The following AFAP1L2 variants were observed in gnomAD, a reference collection of about 807,000 sequenced individuals.
AFAP1L2 encodes actin filament-associated protein 1-like 2.
AFAP1L2 carries 46 observed loss-of-function variants against 99.3 expected under a neutral mutation model. The ratio of observed to expected loss-of-function variants is 0.46; its 90% CI spans 0.37 to 0.59. The LOEUF (loss-of-function observed/expected upper bound fraction) is 0.59, where lower values mean the gene tolerates loss of function less well. Ranked by LOEUF, AFAP1L2 falls within the 20% of genes least tolerant of loss-of-function variation. AFAP1L2 has a pLI of 0.00. For synonymous variants in AFAP1L2, 397 were observed against 419.1 expected, an observed-to-expected ratio of 0.95 and a Z score of 0.64; for missense variants, 959 against 1,034.9, an observed-to-expected ratio of 0.93 and a Z score of 1.01.
chr10:114,288,835 C>T, the AFAP1L2 span: 2 of 1,238,982 alleles, frequency 1.6e-6, no homozygotes, highest in Non-Finnish European at 2.3e-6. Context: ...GAACAGAGCA[C>T]CCTGGCTGAC....
chr10:114,301,460 A>G lies in AFAP1L2; in HGVS notation c.1436T>C (p.Met479Thr), dbSNP rs2041176803. 1 of 1,612,242 alleles carries G rather than the reference A, an allele frequency of 6.2e-7. No homozygotes were observed. Residue 479 changes from methionine to threonine, a missense_variant, in exon 13 of 19, where the codon ATG (methionine) becomes ACG (threonine). Physicochemically the swap from Met to Thr is moderately conservative, Grantham distance 81. Transcript: ENST00000304129. ...GTTGGGCTCTGAGAACTTTCTCTGC[A>G]TCAGTCTGGAAACAGGGCGAGGTGG... ...VSAAKNSLLL[M>T]QRKFSEPNTY...
intron 1 of AFAP1L2, among the ~76,000 whole-genome samples, chr10:114,345,338 C>T (rs1220201169): frequency 6.6e-6 from 1 of 152,128 alleles, no homozygotes; most frequent in African/African-American, 2.4e-5. Flanking sequence ...GTGCCTTATT[C>T]TGCAGGGTCA....
At chr10:114,349,691 C>T (rs1327979195) in intron 1 of AFAP1L2, among the ~76,000 whole-genome samples, 1 of 151,822 alleles carries the variant, frequency 6.6e-6, no homozygotes, top group Non-Finnish European at 1.5e-5. Flanking sequence ...GCACCCAAAG[C>T]AGACTGTAGT....
rs1564879968 is a variant in AFAP1L2, at chr10:114,327,151, A to ATT, written c.316-3891_316-3890insAA. On this transcript the variant is annotated intron_variant, in intron 4 of 18. Transcript: ENST00000304129. ...GACCGTGAATTTTATATATATTTATATATATATATATATATATATATATTT... is the reference window on the plus strand; with the variant it reads ...GACCGTGAATTTTATATATATTTATATTTATATATATATATATATATATATTT... Among the ~76,000 whole-genome samples the ATT allele has an allele frequency of 1.2e-4, 9 of 75,012 alleles. 1 individual carries two copies. The highest frequency in any genetic ancestry group is 2.6e-4 in the Non-Finnish European group (8 of 30,598). The allele number at this position is 75,012 out of a possible 152,430, so 49.2% of individuals were successfully genotyped here. A position where few individuals can be genotyped will look rare whatever the true frequency, so the allele number is the denominator to read the frequency against.
At chr10:114,301,692 C>T (rs1001694072) in intron 12 of AFAP1L2, 1 of 564,306 alleles carries the variant, frequency 1.8e-6, no homozygotes, top group African/African-American at 1.9e-5. Flanking sequence ...GAAAGACAAG[C>T]TTCCCTTGCC....
chr10:114,383,151 A>C (rs1190444559), intron 1 of AFAP1L2, among the ~76,000 whole-genome samples: 1 of 152,220 alleles, frequency 6.6e-6, no homozygotes, highest in African/African-American at 2.4e-5. Context: ...ATGGCTGCTT[A>C]TATGTGGACA....
chr10:114,322,156 A>G (rs1160695597), intron 5 of AFAP1L2, among the ~76,000 whole-genome samples: 2 of 152,118 alleles, frequency 1.3e-5, no homozygotes, highest in Non-Finnish European at 2.9e-5. Context: ...CATGATTGTG[A>G]GGCCTCTCCA....
chr10:114,393,815 G>A (rs1018522408), intron 1 of AFAP1L2, among the ~76,000 whole-genome samples: 3 of 152,362 alleles, frequency 2.0e-5, no homozygotes, highest in East Asian at 1.9e-4. Context: ...TCAGAAGGGC[G>A]GGAGATGGGC....
intron 1 of AFAP1L2, among the ~76,000 whole-genome samples, chr10:114,384,398 TC>T (rs1173693405): frequency 6.6e-6 from 1 of 151,484 alleles, no homozygotes; most frequent in African/African-American, 2.4e-5. Context: ...GGGCCATTGT[TC>T]CCCCCACACT....
chr10:114,303,802 A>G (rs1032174206), intron 11 of AFAP1L2, among the ~76,000 whole-genome samples: 5 of 152,126 alleles, frequency 3.3e-5, no homozygotes, highest in Non-Finnish European at 7.4e-5. Context: ...CCTGAAAGCC[A>G]TCAGGGCTCC....
intron 13 of AFAP1L2, 58 bp from the exon 14 acceptor site, chr10:114,300,748 A>G: frequency 6.5e-7 from 1 of 1,531,616 alleles, no homozygotes; most frequent in Non-Finnish European, 8.8e-7. Flanking sequence ...TCAGCTGTGG[A>G]GGGGGTACCA....
rs553847992 is a variant in AFAP1L2 at position 114,327,076 on chromosome 10, G to C, written c.316-3815C>G. Among the ~76,000 whole-genome samples the C allele has an allele frequency of 9.7e-5, 14 of 144,498 alleles. No individual in the cohort carries two copies. The South Asian group carries it at 3.2e-3, about 33-fold the overall frequency. The allele number at this position is 144,498 out of a possible 152,430, so 94.8% of individuals were successfully genotyped here. The stretch of plus-strand genomic sequence containing the variant: ...AAGGAGACAGATCCTCATCTCACAG[G>C]GTTAAGGAGAAAGGACTATTATTTT... On this transcript the variant is annotated intron_variant, in intron 4 of 18. Coordinates refer to ENST00000304129, the MANE Select transcript of AFAP1L2 (RefSeq NM_001001936.3).
chr10:114,313,789 CT>C (rs906497303), intron 7 of AFAP1L2, 81 bp downstream of exon 7: 2 of 1,405,134 alleles, frequency 1.4e-6, no homozygotes, highest in African/African-American at 1.4e-5. Flanking sequence ...TCCTCTACCC[CT>C]GACCCTATCA....
At chr10:114,386,901 C>G (rs1319288131) in intron 1 of AFAP1L2, among the ~76,000 whole-genome samples, 2 of 152,254 alleles carry the variant, frequency 1.3e-5, no homozygotes, top group African/African-American at 2.4e-5. Flanking sequence ...AGACAGGCAC[C>G]CTGGCATGGA....
rs765237479 is a variant in AFAP1L2, at chr10:114,333,301, G to A, written c.146-6C>T. 2.1e-5 allele frequency: 34 copies of A among 1,612,648 alleles called. No individual in the cohort carries two copies. In the South Asian group the frequency reaches 3.7e-4, roughly 18 times the overall value. On this transcript the variant is annotated splice_polypyrimidine_tract_variant and splice_region_variant and intron_variant, in intron 2 of 18. Transcript: ENST00000304129. ...AATGTACTCCTCATCAGAGCCTGCAGAAGGAAGGAGACACAGGCTTTGTGT... is the reference window on the plus strand; with the variant it reads ...AATGTACTCCTCATCAGAGCCTGCAAAAGGAAGGAGACACAGGCTTTGTGT...
In AFAP1L2 at chr10:114,295,599, C is replaced by CTAAG; in HGVS notation, c.*439_*442dup. The CTAAG allele has an allele frequency of 1.0e-6, 1 of 989,602 alleles. No individual in the cohort carries two copies. The highest frequency in any genetic ancestry group is 4.6e-5 in the South Asian group (1 of 21,520). 61.3% of individuals were successfully genotyped at this position (989,602 alleles called of 1,614,324 possible). A position where few individuals can be genotyped will look rare whatever the true frequency, so the allele number is the denominator to read the frequency against. ...GCAAGGATGGTTTAATCCCCAACTG[C>CTAAG]TAAGTATTGGATAAGAGATGATGGC... On this transcript the variant is annotated 3_prime_UTR_variant, in exon 19 of 19. Coordinates refer to ENST00000304129, the MANE Select transcript of AFAP1L2 (RefSeq NM_001001936.3).
intron 1 of AFAP1L2, among the ~76,000 whole-genome samples, chr10:114,352,580 A>AAT (rs2050704867): frequency 1.3e-5 from 2 of 151,510 alleles, no homozygotes; most frequent in Admixed American, 1.3e-4. Context: ...GGTGAGGAGG[A>AAT]ATTTGGGTTA....
chr10:114,360,174 T>C (rs940455274), intron 1 of AFAP1L2, among the ~76,000 whole-genome samples: 2 of 152,186 alleles, frequency 1.3e-5, no homozygotes, highest in Admixed American at 1.3e-4. Flanking sequence ...AAGACTTGAA[T>C]AGGACCAAAA....
chr10:114,285,829 C>T, the AFAP1L2 span: 2 of 1,223,998 alleles, frequency 1.6e-6, no homozygotes, highest in Non-Finnish European at 2.2e-6. Context: ...GGGGGGCCCA[C>T]AGTTTCTCTG....
Sources: allele counts gnomAD v4.1 joint callset (sites outside exome capture counted in the v4.1 genomes callset), GRCh38; gene constraint gnomAD v4.1.1; transcripts MANE v1.5; gene names NCBI Gene and HGNC (gene_info 2026-07-23, HGNC 2026-07-21).